Variants in CR1 observed in about 807,000 individuals in gnomAD.
The protein encoded by CR1 is complement receptor type 1.
Under a neutral mutation model 187.3 loss-of-function variants are expected in CR1, and 116 were observed. The observed-to-expected ratio is 0.62, with a 90% CI of 0.53 to 0.72. The LOEUF (loss-of-function observed/expected upper bound fraction) is 0.72, where lower values mean the gene tolerates loss of function less well. Among genes scored for constraint, CR1 ranks in the 30% least tolerant of loss-of-function variants. The pLI, the probability that CR1 is intolerant of heterozygous loss-of-function variation, is 0.00. For missense variants in CR1, 1,731 were observed against 2,110.7 expected, an observed-to-expected ratio of 0.82 and a Z score of 3.52; for synonymous variants, 576 against 747.1, an observed-to-expected ratio of 0.77 and a Z score of 3.73.
intron 4 of CR1, among the ~76,000 whole-genome samples, chr1:207,521,866 G>C (rs12045888): frequency 6.9e-6 from 1 of 144,184 alleles, no homozygotes; most frequent in African/African-American, 2.6e-5. Flanking sequence ...ACAGGGTTTC[G>C]CCATGTTGCC....
At position 207,567,963 on chromosome 1, in the gene CR1, A is replaced by G. The variant is rs770305879; in HGVS notation, c.4092A>G (p.Gly1364=). ...GAGGGACGAGCTTCGACCTCATTGG[A>G]GAGAGCACCATCCGCTGCACAAGTG... is the stretch of plus-strand genomic sequence containing the variant. ...PDRGTSFDLI[G]ESTIRCTSDP... Residue 1364 remains glycine, a synonymous_variant, in exon 25 of 47, where the codon GGA becomes GGG. Transcript: ENST00000367049. 40 of 1,610,254 alleles carry G rather than the reference A, an allele frequency of 2.5e-5. No homozygotes were observed. The highest frequency in any genetic ancestry group is 1.5e-4 in the Admixed American group (9 of 59,908).
At chr1:207,635,319 T>C (rs1273749813) in intron 46 of CR1, among the ~76,000 whole-genome samples, 1 of 152,100 alleles carries the variant, frequency 6.6e-6, no homozygotes, top group African/African-American at 2.4e-5. Context: ...GAGAGGGGGA[T>C]GTGGCAGGGT....
At chr1:207,614,189 A>G (rs1662025818) in intron 39 of CR1, among the ~76,000 whole-genome samples, 1 of 152,182 alleles carries the variant, frequency 6.6e-6, no homozygotes, top group Non-Finnish European at 1.5e-5. Flanking sequence ...ACAGGGTACC[A>G]TGGTTCTTTA....
intron 45 of CR1, among the ~76,000 whole-genome samples, chr1:207,628,483 A>G (rs1173841297): frequency 6.6e-6 from 1 of 152,206 alleles, no homozygotes; most frequent in Non-Finnish European, 1.5e-5. Flanking sequence ...TGGTCCTCAA[A>G]GCAACTCTGT....
chr1:207,521,105 T>C (rs765406472), intron 4 of CR1, among the ~76,000 whole-genome samples: 1 of 151,398 alleles, frequency 6.6e-6, no homozygotes, highest in Non-Finnish European at 1.5e-5. Context: ...GCCTTCCAAG[T>C]AGCTGCAATT....
chr1:207,566,043 A>G, intron 24 of CR1, 120 bp downstream of exon 24: 1 of 1,341,568 alleles, frequency 7.5e-7, no homozygotes, highest in Non-Finnish European at 1.0e-6. Context: ...ATTTAAAAAT[A>G]GTTTATTTTA....
At chr1:207,587,661 G>A in intron 34 of CR1, 96 bp downstream of exon 34, 1 of 1,200,882 alleles carries the variant, frequency 8.3e-7, no homozygotes, top group Non-Finnish European at 1.2e-6. Context: ...CACTTTGGGA[G>A]GCCAAGGCTG....
intron 23 of CR1, among the ~76,000 whole-genome samples, chr1:207,564,646 C>T (rs1014096103): frequency 6.7e-6 from 1 of 149,944 alleles, no homozygotes; most frequent in African/African-American, 2.5e-5. Context: ...ACTAAAAATA[C>T]AAAAGTTAGC....
In CR1 at chr1:207,641,183, A is replaced by C. The variant is rs1314021139; in HGVS notation, c.*1774A>C. 6.6e-6 allele frequency: 1 copy of C among 152,222 alleles called. No homozygotes were observed. The highest frequency in any genetic ancestry group is 1.5e-5 in the Non-Finnish European group (1 of 68,050). 9.4% of individuals were successfully genotyped at this position (152,222 alleles called of 1,614,324 possible). A position where few individuals can be genotyped will look rare whatever the true frequency, so the allele number is the denominator to read the frequency against. The stretch of plus-strand genomic sequence containing the variant: ...CTTTTATTTCTTGGGATTTTGAAGA[A>C]GTAATTTTTAAAGGAGGACTAGAAA... On this transcript the variant is annotated 3_prime_UTR_variant, in exon 47 of 47. Coordinates refer to ENST00000367049, the MANE Select transcript of CR1 (RefSeq NM_000651.6).
At chr1:207,577,595 C>A (rs1302140010) in intron 28 of CR1, among the ~76,000 whole-genome samples, 5 of 152,132 alleles carry the variant, frequency 3.3e-5, no homozygotes, top group Non-Finnish European at 5.9e-5. Context: ...CATGGCCAAA[C>A]CCCATCTCTA....
intron 32 of CR1, among the ~76,000 whole-genome samples, chr1:207,583,688 T>G (rs1661025723): frequency 6.6e-6 from 1 of 152,234 alleles, no homozygotes; most frequent in South Asian, 2.1e-4. Context: ...TGTCTTGTAT[T>G]GATTTATATG....
intron 36 of CR1, among the ~76,000 whole-genome samples, chr1:207,608,850 A>G (rs1472006306): frequency 1.3e-5 from 2 of 152,074 alleles, no homozygotes; most frequent in Non-Finnish European, 2.9e-5. Context: ...TTGCCCTTAA[A>G]TCTGCCATTA....
At chr1:207,621,250 C>T (rs1478581761) in intron 43 of CR1, among the ~76,000 whole-genome samples, 2 of 151,854 alleles carry the variant, frequency 1.3e-5, no homozygotes, top group Non-Finnish European at 2.9e-5. Context: ...ACTCTGGTCT[C>T]GGTGACAAGA....
chr1:207,619,939 A>G lies in CR1; in HGVS notation c.7126A>G (p.Lys2376Glu). 2 of 1,609,788 alleles carry G rather than the reference A, an allele frequency of 1.2e-6. No homozygotes were observed. Among genetic ancestry groups the G allele is most frequent in the Non-Finnish European group, 1.7e-6 (2 of 1,177,920 alleles). Residue 2376 changes from lysine to glutamate, a missense_variant, in exon 43 of 47, where the codon AAA becomes GAA. Around this residue, in one of 5 missense-constraint regions of CR1, gnomAD observed 1,312 missense variants for 1,379.6 expected, o/e 0.95. Coordinates refer to ENST00000367049, the MANE Select transcript of CR1 (RefSeq NM_000651.6). ...NGISKELEMK[K>E]VYHYGDYVTL... is the part of the protein sequence containing the mutation. Reference sequence around the variant, plus strand: ...AATCTCGAAGGAGTTAGAAATGAAAAAAGTATATCACTATGGAGATTATGT... The same window carrying G: ...AATCTCGAAGGAGTTAGAAATGAAAGAAGTATATCACTATGGAGATTATGT...
rs138113558 is a variant in CR1 at position 207,630,380 on chromosome 1, T to C, written c.7353-137T>C. The C allele has an allele frequency of 2.8e-3, 1,601 of 561,846 alleles. 25 individuals are homozygous for C. The highest frequency in any genetic ancestry group is 0.027 in the African/African-American group (1,414 of 51,660). 34.8% of individuals were successfully genotyped at this position (561,846 alleles called of 1,614,324 possible). A position where few individuals can be genotyped will look rare whatever the true frequency, so the allele number is the denominator to read the frequency against. ...AGATGAGATTTGGTTATGATTTTCC[T>C]TTCAGACGTCTTGCAAAGATATCAG... is the stretch of plus-strand genomic sequence containing the variant. On this transcript the variant is annotated intron_variant, in intron 45 of 46. Transcript: ENST00000367049.
intron 5 of CR1, among the ~76,000 whole-genome samples, chr1:207,524,908 C>T (rs1260547476): frequency 6.6e-6 from 1 of 151,964 alleles, no homozygotes; most frequent in African/African-American, 2.4e-5. Flanking sequence ...TAAAAAACTA[C>T]TTGAGCCTGG....
At chr1:207,613,276 C>T (rs896691957) in intron 39 of CR1, among the ~76,000 whole-genome samples, 1 of 152,156 alleles carries the variant, frequency 6.6e-6, no homozygotes, top group Non-Finnish European at 1.5e-5. Context: ...CTCAGCGTGG[C>T]TGGTTCTGGG....
chr1:207,624,966 G>T (rs182819057), intron 45 of CR1, among the ~76,000 whole-genome samples: 54 of 152,256 alleles, frequency 3.5e-4, no homozygotes, highest in Admixed American at 5.9e-4. Flanking sequence ...ATATCTTGAA[G>T]ATATTTGATT....
At chr1:207,593,858 A>G (rs1265883558) in intron 35 of CR1, among the ~76,000 whole-genome samples, 3 of 152,256 alleles carry the variant, frequency 2.0e-5, no homozygotes, top group African/African-American at 7.2e-5. Flanking sequence ...AAAAAAGCTC[A>G]TCATCACTGG....
Sources: allele counts gnomAD v4.1 joint callset (sites outside exome capture counted in the v4.1 genomes callset), GRCh38; gene constraint gnomAD v4.1.1; regional missense constraint gnomAD v4.1.1; transcripts MANE v1.5; gene names NCBI Gene and HGNC (gene_info 2026-07-23, HGNC 2026-07-21).